The following PTPRM variants were observed in gnomAD, a reference collection of about 807,000 sequenced individuals.
PTPRM encodes protein tyrosine phosphatase receptor type M.
A neutral mutation model predicts 186.7 loss-of-function variants in PTPRM; 47 were observed. That is an observed-to-expected ratio of 0.25 (90% CI 0.20 to 0.32). The LOEUF is 0.32. Among genes scored for constraint, PTPRM ranks in the 10% least tolerant of loss-of-function variants. The pLI is 1.00. For synonymous variants in PTPRM, 668 were observed against 674.9 expected, an observed-to-expected ratio of 0.99 and a Z score of 0.16; for missense variants, 1,494 against 1,865.0, an observed-to-expected ratio of 0.80 and a Z score of 3.66.
rs773653490 is a variant in PTPRM, at chr18:8,319,194, A to G, written c.2936A>G (p.Asn979Ser). The change falls in exon 22 of 33, where the codon AAT becomes AGT. Residue 979 changes from asparagine (N) to serine (S), a missense_variant. Physicochemically the swap from Asn to Ser is conservative, Grantham distance 46 (BLOSUM62 1). This residue lies in a region of PTPRM where 1,107 missense variants were observed against 1,350.2 expected (regional missense o/e 0.82). Transcript: ENST00000580170. ...GNYIDGYHRP[N>S]HYIATQGPMQ... ...TATTTTTAGGGTTATCATCGACCCA[A>G]TCATTACATTGCTACCCAAGGTAAG... is the stretch of plus-strand genomic sequence containing the variant. The G allele has an allele frequency of 8.3e-6, 13 of 1,560,168 alleles. No homozygotes were observed. Among genetic ancestry groups the G allele is most frequent in the South Asian group, 2.3e-5 (2 of 88,032 alleles).
At chr18:7,697,894 T>C (rs1443217905) in intron 1 of PTPRM, among the ~76,000 whole-genome samples, 2 of 152,170 alleles carry the variant, frequency 1.3e-5, no homozygotes, top group African/African-American at 4.8e-5. Flanking sequence ...CAGAAAATGC[T>C]CCTAAGTTCT....
At chr18:7,940,252 A>G (rs953126428) in intron 5 of PTPRM, among the ~76,000 whole-genome samples, 1 of 152,150 alleles carries the variant, frequency 6.6e-6, no homozygotes, top group Non-Finnish European at 1.5e-5. Context: ...GGCATGGTTT[A>G]TATGTTAAAG....
intron 19 of PTPRM, among the ~76,000 whole-genome samples, chr18:8,272,183 G>A (rs1304143138): frequency 5.4e-5 from 8 of 147,960 alleles, no homozygotes; most frequent in Non-Finnish European, 1.0e-4. Flanking sequence ...CCAAGCCTGG[G>A]TGACAGAGCA....
At chr18:8,166,166 C>T (rs1293204383) in intron 14 of PTPRM, among the ~76,000 whole-genome samples, 1 of 152,134 alleles carries the variant, frequency 6.6e-6, no homozygotes, top group Non-Finnish European at 1.5e-5. Context: ...TATGGGAGTG[C>T]CTTGGTGCCT....
chr18:7,947,676 C>G (rs548400141), intron 5 of PTPRM, among the ~76,000 whole-genome samples: 1 of 152,204 alleles, frequency 6.6e-6, no homozygotes, highest in South Asian at 2.1e-4. Context: ...CTAGAATGCT[C>G]TTCCCCTCTC....
intron 29 of PTPRM, among the ~76,000 whole-genome samples, chr18:8,383,167 G>T (rs914468667): frequency 6.6e-6 from 1 of 151,522 alleles, no homozygotes; most frequent in East Asian, 1.9e-4. Context: ...GCGTGGTGGC[G>T]CATGCCTGTA....
intron 7 of PTPRM, among the ~76,000 whole-genome samples, chr18:7,957,656 G>A (rs2053404550): frequency 6.6e-6 from 1 of 152,200 alleles, no homozygotes; most frequent in African/African-American, 2.4e-5. Context: ...AAAGTGAAAG[G>A]TGAGGAAAGT....
intron 7 of PTPRM, among the ~76,000 whole-genome samples, chr18:7,967,006 CACAG>C (rs2054154571): frequency 9.1e-6 from 1 of 109,436 alleles, no homozygotes; most frequent in Non-Finnish European, 2.2e-5. Context: ...GGGGGCAGGG[CACAG>C]ACAAACAAAA....
intron 2 of PTPRM, among the ~76,000 whole-genome samples, chr18:7,791,044 A>G (rs986351671): frequency 1.3e-5 from 2 of 152,202 alleles, no homozygotes; most frequent in African/African-American, 2.4e-5. Context: ...GGCTTTCTTC[A>G]TTATTTGAAG....
intron 7 of PTPRM, among the ~76,000 whole-genome samples, chr18:8,038,715 T>G (rs1404424966): frequency 6.6e-6 from 1 of 152,128 alleles, no homozygotes; most frequent in Non-Finnish European, 1.5e-5. Flanking sequence ...TTTAAGCACA[T>G]AGCCGTATTT....
At chr18:8,111,473 T>A (rs1232591746) in intron 11 of PTPRM, among the ~76,000 whole-genome samples, 1 of 151,722 alleles carries the variant, frequency 6.6e-6, no homozygotes, top group East Asian at 1.9e-4. Context: ...ATTAGCCGGG[T>A]GTGGTGGCGG....
intron 14 of PTPRM, among the ~76,000 whole-genome samples, chr18:8,162,982 G>A (rs150264120): frequency 5.3e-5 from 8 of 152,266 alleles, no homozygotes; most frequent in East Asian, 1.9e-4. Flanking sequence ...AGAGCCAGCC[G>A]TCAGCCACAC....
At chr18:8,311,035 G>C (rs147846719) in intron 20 of PTPRM, among the ~76,000 whole-genome samples, 1 of 152,312 alleles carries the variant, frequency 6.6e-6, no homozygotes, top group African/African-American at 2.4e-5. Flanking sequence ...TAGGCTGGGC[G>C]TGGTGGCTCA....
At chr18:7,829,368 A>T (rs545621318) in intron 2 of PTPRM, among the ~76,000 whole-genome samples, 1 of 152,314 alleles carries the variant, frequency 6.6e-6, no homozygotes, top group Non-Finnish European at 1.5e-5. Flanking sequence ...TTTGATATCC[A>T]GGAAAATACT....
At chr18:8,289,565 T>TATATATATACACATATATATACAC (rs1199950221) in intron 19 of PTPRM, among the ~76,000 whole-genome samples, 1 of 96,608 alleles carries the variant, frequency 1.0e-5, no homozygotes, top group African/African-American at 6.8e-5. Flanking sequence ...TATATACACA[T>TATATATATACACATATATATACAC]ATATATATAT....
At chr18:7,694,281 C>T (rs1472712004) in intron 1 of PTPRM, among the ~76,000 whole-genome samples, 9 of 152,134 alleles carry the variant, frequency 5.9e-5, no homozygotes, top group Admixed American at 2.0e-4. Context: ...AAGTCACTTT[C>T]CATTTCATGA....
chr18:7,651,542 A>T (rs985059242), intron 1 of PTPRM, among the ~76,000 whole-genome samples: 1 of 152,116 alleles, frequency 6.6e-6, no homozygotes, highest in Non-Finnish European at 1.5e-5. Flanking sequence ...TGGTACTGGT[A>T]CCAAAACAGA....
intron 3 of PTPRM, among the ~76,000 whole-genome samples, chr18:7,892,763 C>T (rs1413953077): frequency 3.3e-5 from 5 of 152,194 alleles, no homozygotes; most frequent in Non-Finnish European, 5.9e-5. Flanking sequence ...GTGCCAGCAT[C>T]GTCCGATTCT....
intron 2 of PTPRM, among the ~76,000 whole-genome samples, chr18:7,836,650 T>G (rs991315249): frequency 1.3e-5 from 2 of 152,232 alleles, no homozygotes; most frequent in Non-Finnish European, 1.5e-5. Context: ...AGGTACTCCC[T>G]TTAACATTTC....
Sources: allele counts gnomAD v4.1 joint callset (sites outside exome capture counted in the v4.1 genomes callset), GRCh38; gene constraint gnomAD v4.1.1; regional missense constraint gnomAD v4.1.1; transcripts MANE v1.5; gene names NCBI Gene and HGNC (gene_info 2026-07-23, HGNC 2026-07-21).